The following ARMH3 variants were observed in gnomAD, a reference collection of about 807,000 sequenced individuals.
ARMH3 encodes the protein armadillo like helical domain containing 3.
Under a neutral mutation model 99.1 loss-of-function variants are expected in ARMH3, and 60 were observed. That is an observed-to-expected ratio of 0.61 (90% CI 0.49 to 0.75). The LOEUF (loss-of-function observed/expected upper bound fraction) is 0.75, where lower values mean the gene tolerates loss of function less well. Among genes scored for constraint, ARMH3 ranks in the 30% least tolerant of loss-of-function variants. The probability of loss-of-function intolerance (pLI) is 0.00; values close to 1 mark genes in which losing one functional copy is unlikely to be tolerated. For synonymous variants in ARMH3, 285 were observed against 292.8 expected, an observed-to-expected ratio of 0.97 and a Z score of 0.27; for missense variants, 679 against 843.1, an observed-to-expected ratio of 0.81 and a Z score of 2.41.
chr10:101,991,885 A>G (rs1162248310), intron 18 of ARMH3, 84 bp downstream of exon 18: 2 of 1,254,048 alleles, frequency 1.6e-6, no homozygotes, highest in Non-Finnish European at 2.3e-6. Flanking sequence ...GAAGAAGCAC[A>G]TCAAACAGGT....
intron 24 of ARMH3, among the ~76,000 whole-genome samples, chr10:101,870,184 T>A (rs921132607): frequency 2.6e-5 from 4 of 152,202 alleles, no homozygotes; most frequent in African/African-American, 9.6e-5. Flanking sequence ...TGAGAGGGCA[T>A]CACTATAAAT....
chr10:101,939,784 A>C, intron 23 of ARMH3, 79 bp downstream of exon 23: 1 of 1,264,194 alleles, frequency 7.9e-7, no homozygotes, highest in Non-Finnish European at 1.1e-6. Context: ...AGTAGTGTTC[A>C]ACACACTTTA....
intron 1 of ARMH3, among the ~76,000 whole-genome samples, chr10:102,053,044 A>G (rs931115605): frequency 1.3e-5 from 2 of 152,024 alleles, no homozygotes; most frequent in African/African-American, 4.8e-5. Context: ...AGTTGAATCA[A>G]TCTCAGAAGT....
chr10:101,890,176 G>T (rs2067652850), intron 23 of ARMH3, among the ~76,000 whole-genome samples: 1 of 151,658 alleles, frequency 6.6e-6, no homozygotes, highest in Non-Finnish European at 1.5e-5. Context: ...GGTTTTACAT[G>T]AGTCCATATG....
chr10:101,932,117 A>C (rs150405486), intron 23 of ARMH3, among the ~76,000 whole-genome samples: 1 of 152,352 alleles, frequency 6.6e-6, no homozygotes, highest in East Asian at 1.9e-4. Context: ...ATTTCTCCAA[A>C]GAAGATATAC....
At chr10:102,054,503 A>G (rs1409481582) in intron 1 of ARMH3, among the ~76,000 whole-genome samples, 1 of 152,172 alleles carries the variant, frequency 6.6e-6, no homozygotes, top group Non-Finnish European at 1.5e-5. Flanking sequence ...AGTCGTAACA[A>G]GAGGGATCCC....
chr10:101,955,917 T>C (rs1042851294), intron 22 of ARMH3, among the ~76,000 whole-genome samples: 24 of 152,260 alleles, frequency 1.6e-4, no homozygotes, highest in African/African-American at 5.8e-4. Context: ...ATGTCAATTA[T>C]ACTTCAATAA....
intron 8 of ARMH3, among the ~76,000 whole-genome samples, chr10:102,022,955 A>G (rs1418827351): frequency 6.6e-6 from 1 of 151,720 alleles, no homozygotes; most frequent in African/African-American, 2.4e-5. Context: ...TTGGGAGGCC[A>G]AGGTGGGCAG....
chr10:101,957,600 C>A (rs775461649), intron 21 of ARMH3, 50 bp downstream of exon 21: 30 of 1,553,968 alleles, frequency 1.9e-5, no homozygotes, highest in Non-Finnish European at 2.3e-5. Flanking sequence ...CAGTGCATTT[C>A]TGCCTTAGCA....
At chr10:101,907,674 G>A (rs1403793714) in intron 23 of ARMH3, among the ~76,000 whole-genome samples, 2 of 152,114 alleles carry the variant, frequency 1.3e-5, no homozygotes, top group African/African-American at 2.4e-5. Context: ...GTGAGCCACC[G>A]TGCTGGGCCG....
At position 101,900,323 on chromosome 10, in the gene ARMH3, C is replaced by A. The variant is rs540879334; in HGVS notation, c.1782-10833G>T. 2.7e-4 allele frequency among the ~76,000 whole-genome samples: 41 copies of A among 152,244 alleles called. No individual in the cohort carries two copies. The South Asian group carries it at 7.9e-3, about 29-fold the overall frequency. On this transcript the variant is annotated intron_variant, in intron 23 of 25. Coordinates refer to ENST00000370033, the MANE Select transcript of ARMH3 (RefSeq NM_024541.3). ...CAGAAGCAAGGCTCCTCTACACGCT[C>A]AGAAATGCCAAATGAATATAAAGGA... is the stretch of plus-strand genomic sequence containing the variant.
chr10:102,025,975 A>G (rs1325824889), intron 5 of ARMH3, among the ~76,000 whole-genome samples: 2 of 152,030 alleles, frequency 1.3e-5, no homozygotes, highest in South Asian at 2.1e-4. Flanking sequence ...AAAGCATAAC[A>G]CTTGATTCAG....
At chr10:101,928,492 G>C (rs1209958154) in intron 23 of ARMH3, among the ~76,000 whole-genome samples, 1 of 152,104 alleles carries the variant, frequency 6.6e-6, no homozygotes, top group Non-Finnish European at 1.5e-5. Context: ...ACCTTAGTGG[G>C]AGAAAACGAG....
intron 20 of ARMH3, among the ~76,000 whole-genome samples, chr10:101,963,238 G>C (rs1180874730): frequency 6.6e-6 from 1 of 151,998 alleles, no homozygotes; most frequent in African/African-American, 2.4e-5. Flanking sequence ...CACCTCCCGG[G>C]TTCAAGCCAT....
chr10:101,977,864 C>CGTTTTA, intron 19 of ARMH3, among the ~76,000 whole-genome samples: 1 of 152,232 alleles, frequency 6.6e-6, no homozygotes, highest in South Asian at 2.1e-4. Flanking sequence ...GATCCTCACC[C>CGTTTTA]AGATGTAGCC....
At chr10:101,944,273 TAGAGAGAGAG>T (rs55633048) in intron 22 of ARMH3, among the ~76,000 whole-genome samples, 88 of 25,352 alleles carry the variant, frequency 3.5e-3, no homozygotes, top group East Asian at 0.014. Context: ...TATATATATA[TAGAGAGAGAG>T]AGAGAGAGAG....
intron 23 of ARMH3, among the ~76,000 whole-genome samples, chr10:101,924,811 T>C (rs1275044256): frequency 2.0e-5 from 3 of 151,936 alleles, no homozygotes; most frequent in Non-Finnish European, 4.4e-5. Context: ...ATGGCCAACA[T>C]GGTGAAACCC....
chr10:102,034,399 G>A (rs1317318372), intron 2 of ARMH3, among the ~76,000 whole-genome samples: 3 of 152,072 alleles, frequency 2.0e-5, no homozygotes, highest in Non-Finnish European at 4.4e-5. Flanking sequence ...CACTTTGGGA[G>A]GCTGAGGTGG....
At chr10:101,893,241 G>A (rs1347252537) in intron 23 of ARMH3, among the ~76,000 whole-genome samples, 4 of 152,160 alleles carry the variant, frequency 2.6e-5, no homozygotes, top group Admixed American at 2.6e-4. Context: ...TGAAGGAAAG[G>A]AGCTTCAGTA....
Sources: gnomAD v4.1 joint callset for allele counts (sites outside exome capture counted in the v4.1 genomes callset) on GRCh38, gnomAD v4.1.1 for gene constraint, MANE v1.5 for transcripts, NCBI Gene and HGNC (gene_info 2026-07-23, HGNC 2026-07-21) for gene names.